Variants in LGSN observed in about 807,000 individuals in gnomAD.
The protein encoded by LGSN is lengsin, lens protein with glutamine synthetase domain.
In LGSN, 21 loss-of-function variants were observed where a neutral mutation model predicts 19.5. That is an observed-to-expected ratio of 1.07 (90% confidence interval 0.76 to 1.55). LGSN has a LOEUF of 1.55. LGSN is among the 40% of genes most tolerant of loss of function. LGSN has a pLI of 0.00. For missense variants in LGSN, 673 were observed against 608.5 expected, an observed-to-expected ratio of 1.11 and a Z score of -1.12; for synonymous variants, 257 against 215.6, an observed-to-expected ratio of 1.19 and a Z score of -1.68.
the LGSN span, among the ~76,000 whole-genome samples, chr6:63,510,070 T>G: frequency 1.3e-5 from 2 of 152,208 alleles, no homozygotes; most frequent in African/African-American, 4.8e-5. Context: ...GGGGCAAGTT[T>G]ATTTTTGAAT....
chr6:63,513,974 G>A, the LGSN span, among the ~76,000 whole-genome samples: 2 of 150,488 alleles, frequency 1.3e-5, no homozygotes, highest in East Asian at 3.9e-4. Context: ...TTCCAATGTG[G>A]CTTTAGAATT....
At chr6:63,313,172 C>T (rs1346556403) in intron 1 of LGSN, among the ~76,000 whole-genome samples, 1 of 152,044 alleles carries the variant, frequency 6.6e-6, no homozygotes, top group East Asian at 1.9e-4. Context: ...GAACTAAAAA[C>T]CCACCATAGT....
At chr6:63,534,526 A>G in the LGSN span, among the ~76,000 whole-genome samples, 2 of 152,074 alleles carry the variant, frequency 1.3e-5, no homozygotes, top group Admixed American at 6.6e-5. Context: ...TACTTACAAA[A>G]CATTTATGCT....
the LGSN span, chr6:63,572,588 T>A: frequency 2.4e-6 from 1 of 415,996 alleles, no homozygotes; most frequent in Non-Finnish European, 4.2e-6. Context: ...GCCGCCTGCA[T>A]CGCCGCCACC....
chr6:63,401,822 G>T, the LGSN span, among the ~76,000 whole-genome samples: 1 of 152,122 alleles, frequency 6.6e-6, no homozygotes, highest in Non-Finnish European at 1.5e-5. Flanking sequence ...ATTTTCTATT[G>T]GTCAGGATTA....
chr6:63,400,285 C>A, the LGSN span, among the ~76,000 whole-genome samples: 21 of 152,286 alleles, frequency 1.4e-4, 1 homozygote, highest in South Asian at 4.4e-3. Context: ...GGCTTCCAGT[C>A]TACTGGGCAG....
At chr6:63,293,607 A>G in intron 2 of LGSN, 1 of 384,020 alleles carries the variant, frequency 2.6e-6, no homozygotes, top group Non-Finnish European at 5.2e-6. Context: ...ATACAGACTT[A>G]GGGTTAGTGG....
chr6:63,319,219 G>A (rs1768991422), intron 1 of LGSN, among the ~76,000 whole-genome samples: 1 of 152,154 alleles, frequency 6.6e-6, no homozygotes, highest in African/African-American at 2.4e-5. Flanking sequence ...CATACATAAT[G>A]CACTGGTCTT....
the LGSN span, among the ~76,000 whole-genome samples, chr6:63,483,368 CTT>C: frequency 0.52 from 73,877 of 143,374 alleles, 20,166 homozygotes; most frequent in African/African-American, 0.74. Flanking sequence ...AAAGGAAGCT[CTT>C]TTTTTTTTTT....
chr6:63,409,857 G>T, the LGSN span, among the ~76,000 whole-genome samples: 48 of 152,202 alleles, frequency 3.2e-4, no homozygotes, highest in South Asian at 1.0e-3. Context: ...CCAACATGGC[G>T]AAACCTCATC....
At chr6:63,372,766 A>G in the LGSN span, among the ~76,000 whole-genome samples, 1 of 152,322 alleles carries the variant, frequency 6.6e-6, no homozygotes, top group Admixed American at 6.5e-5. Flanking sequence ...AAAACATGCC[A>G]TAATGTACTA....
intron 2 of LGSN, among the ~76,000 whole-genome samples, chr6:63,290,029 A>C (rs1362268240): frequency 1.3e-5 from 2 of 152,100 alleles, no homozygotes; most frequent in Admixed American, 1.3e-4. Context: ...AATACAATAA[A>C]AAGTGGGAGG....
chr6:63,519,791 C>A, the LGSN span, among the ~76,000 whole-genome samples: 1 of 152,066 alleles, frequency 6.6e-6, no homozygotes. Flanking sequence ...GCAAATAAAC[C>A]AATAAGAAAA....
chr6:63,371,725 A>AT, the LGSN span, among the ~76,000 whole-genome samples: 1 of 152,220 alleles, frequency 6.6e-6, no homozygotes, highest in African/African-American at 2.4e-5. Flanking sequence ...ATAGGGAATG[A>AT]TTTACATTGT....
chr6:63,562,945 C>A, the LGSN span, among the ~76,000 whole-genome samples: 1 of 152,180 alleles, frequency 6.6e-6, no homozygotes, highest in African/African-American at 2.4e-5. Flanking sequence ...AGGCTCAAAA[C>A]CATGGCCTTA....
At chr6:63,432,151 A>AAGAAAGAAAGAG in the LGSN span, among the ~76,000 whole-genome samples, 2 of 122,342 alleles carry the variant, frequency 1.6e-5, no homozygotes, top group Non-Finnish European at 3.3e-5. Context: ...GAAAGAAAGA[A>AAGAAAGAAAGAG]AGAAAGAAAG....
intron 2 of LGSN, among the ~76,000 whole-genome samples, chr6:63,290,117 C>G (rs368842097): frequency 6.6e-6 from 1 of 151,480 alleles, no homozygotes; most frequent in East Asian, 1.9e-4. Context: ...AGAAGAAATA[C>G]CATATCAAAA....
chr6:63,549,137 G>A, the LGSN span: 1 of 686,690 alleles, frequency 1.5e-6, no homozygotes, highest in South Asian at 1.6e-5. Flanking sequence ...TGCCCCCTTT[G>A]CCAGCAGCTT....
chr6:63,357,306 T>C, the LGSN span, among the ~76,000 whole-genome samples: 1 of 152,204 alleles, frequency 6.6e-6, no homozygotes, highest in Non-Finnish European at 1.5e-5. Flanking sequence ...TGTGCATGTG[T>C]CTTTATAGCA....
Sources: gnomAD v4.1 joint callset for allele counts (sites outside exome capture counted in the v4.1 genomes callset) on GRCh38, gnomAD v4.1.1 for gene constraint, MANE v1.5 for transcripts, NCBI Gene and HGNC (gene_info 2026-07-23, HGNC 2026-07-21) for gene names.